PDE7B: variants seen among roughly 807,000 people sequenced by gnomAD.
PDE7B encodes 3',5'-cyclic-AMP phosphodiesterase 7B.
PDE7B carries 29 observed loss-of-function variants against 56.2 expected under a neutral mutation model. The ratio of observed to expected loss-of-function variants is 0.52; its 90% CI spans 0.38 to 0.70. The LOEUF is 0.70. Among genes scored for constraint, PDE7B ranks in the 30% least tolerant of loss-of-function variants. The probability of loss-of-function intolerance (pLI) is 0.00; values close to 1 mark genes in which losing one functional copy is unlikely to be tolerated. For synonymous variants in PDE7B, 197 were observed against 196.9 expected, an observed-to-expected ratio of 1.00 and a Z score of 0.00; for missense variants, 490 against 565.0, an observed-to-expected ratio of 0.87 and a Z score of 1.35.
At chr6:135,945,629 T>C (rs1206598166) in intron 1 of PDE7B, among the ~76,000 whole-genome samples, 2 of 152,174 alleles carry the variant, frequency 1.3e-5, no homozygotes, top group African/African-American at 2.4e-5. Context: ...CCAGGAATTT[T>C]TTCCCCTTAA....
At chr6:136,163,240 C>G (rs1031135573) in intron 8 of PDE7B, among the ~76,000 whole-genome samples, 8 of 152,254 alleles carry the variant, frequency 5.3e-5, no homozygotes, top group Non-Finnish European at 5.9e-5. Context: ...CCTTTGAAAT[C>G]TAGGTGGAGG....
intron 1 of PDE7B, among the ~76,000 whole-genome samples, chr6:135,933,827 C>G (rs1774340141): frequency 6.6e-6 from 1 of 152,068 alleles, no homozygotes; most frequent in Non-Finnish European, 1.5e-5. Context: ...TCTAAGACTC[C>G]ATTCTTATTT....
chr6:136,099,021 C>T (rs1777517901), intron 2 of PDE7B, among the ~76,000 whole-genome samples: 1 of 147,576 alleles, frequency 6.8e-6, no homozygotes, highest in South Asian at 2.2e-4. Context: ...TGAGAACATG[C>T]AGTGTATGGT....
chr6:135,905,845 C>T lies in PDE7B; in HGVS notation c.22-41619C>T, dbSNP rs546267448. On this transcript the variant is annotated intron_variant, in intron 1 of 12. Transcript: ENST00000308191. ...GATTGTGTGGCGAGCAGCTGGAATG[C>T]GTGCCAGTCACTTTTGGAGTGGTGG... Among the ~76,000 whole-genome samples the T allele has an allele frequency of 7.2e-5, 11 of 152,234 alleles. No individual in the cohort carries two copies. The South Asian group carries it at 2.3e-3, about 32-fold the overall frequency.
At chr6:136,120,661 A>G (rs185962830) in intron 3 of PDE7B, among the ~76,000 whole-genome samples, 97 of 152,298 alleles carry the variant, frequency 6.4e-4, no homozygotes, top group Admixed American at 8.5e-4. Context: ...CAAGCCAGGT[A>G]GAGAACAGTA....
intron 2 of PDE7B, among the ~76,000 whole-genome samples, chr6:135,997,413 C>CAAAA (rs59388049): frequency 1.9e-4 from 2 of 10,714 alleles, no homozygotes; most frequent in Non-Finnish European, 4.6e-4. Flanking sequence ...GACCCTGTCT[C>CAAAA]AAAAAAAAAA....
intron 2 of PDE7B, chr6:136,098,134 G>T (rs928171051): frequency 4.1e-5 from 1 of 24,302 alleles, no homozygotes; most frequent in Non-Finnish European, 9.2e-5. Flanking sequence ...TTTAGTTCCT[G>T]GGGGGGGGGG....
chr6:135,853,924 T>C (rs1021263458), intron 1 of PDE7B, among the ~76,000 whole-genome samples: 4 of 152,194 alleles, frequency 2.6e-5, no homozygotes, highest in African/African-American at 9.7e-5. Context: ...ACCTTTCATA[T>C]ATTGTAAATT....
intron 1 of PDE7B, among the ~76,000 whole-genome samples, chr6:135,934,431 T>G (rs546843586): frequency 6.6e-6 from 1 of 151,870 alleles, no homozygotes; most frequent in Non-Finnish European, 1.5e-5. Flanking sequence ...CTGTTTAAAA[T>G]ATATATATAT....
At position 136,173,867 on chromosome 6, in the gene PDE7B, C is replaced by CG; in HGVS notation, c.782_783insG (p.His262SerfsTer11). 1 of 1,611,584 alleles carries CG rather than the reference C, an allele frequency of 6.2e-7. No homozygotes were observed. Among genetic ancestry groups the CG allele is most frequent in the Non-Finnish European group, 8.5e-7 (1 of 1,177,850 alleles). The stretch of plus-strand genomic sequence containing the variant: ...ATGCTTCGAGAATCAAGGCTTCTTG[C>CG]TCATTTGCCAAAGGAAATGACGTAA... On this transcript the variant is annotated frameshift_variant, in exon 9 of 13. Coordinates refer to ENST00000308191, the MANE Select transcript of PDE7B (RefSeq NM_018945.4). LOFTEE classifies it high-confidence loss of function.
chr6:135,981,631 T>C (rs1775298598), intron 2 of PDE7B, among the ~76,000 whole-genome samples: 1 of 150,806 alleles, frequency 6.6e-6, no homozygotes, highest in African/African-American at 2.4e-5. Flanking sequence ...TATCACTGTC[T>C]TCCACCTCCA....
chr6:135,894,168 A>C (rs1385105671), intron 1 of PDE7B, among the ~76,000 whole-genome samples: 1 of 152,170 alleles, frequency 6.6e-6, no homozygotes, highest in Non-Finnish European at 1.5e-5. Flanking sequence ...CCACATCTAT[A>C]TGCTTTATTT....
chr6:135,970,930 C>T (rs1775084117), intron 2 of PDE7B, among the ~76,000 whole-genome samples: 1 of 152,010 alleles, frequency 6.6e-6, no homozygotes, highest in African/African-American at 2.4e-5. Flanking sequence ...TTGGCTTAAG[C>T]AACTGAATAA....
At chr6:136,157,121 A>G (rs1778621733) in intron 8 of PDE7B, among the ~76,000 whole-genome samples, 1 of 152,204 alleles carries the variant, frequency 6.6e-6, no homozygotes, top group Non-Finnish European at 1.5e-5. Context: ...TAAACAGATA[A>G]TTAATAGAAC....
intron 2 of PDE7B, among the ~76,000 whole-genome samples, chr6:136,066,279 C>G (rs1583861411): frequency 1.3e-5 from 2 of 152,224 alleles, no homozygotes; most frequent in East Asian, 1.9e-4. Context: ...CAGATGTGCA[C>G]CTTGGATTCC....
chr6:136,084,502 C>T (rs1777256400), intron 2 of PDE7B, among the ~76,000 whole-genome samples: 1 of 152,128 alleles, frequency 6.6e-6, no homozygotes, highest in African/African-American at 2.4e-5. Flanking sequence ...AAAAATAGAT[C>T]AACACTATTA....
intron 3 of PDE7B, among the ~76,000 whole-genome samples, chr6:136,120,100 G>A (rs983527584): frequency 6.6e-6 from 1 of 152,138 alleles, no homozygotes; most frequent in Non-Finnish European, 1.5e-5. Context: ...TGTAATACCT[G>A]CCATGGTATC....
chr6:136,086,585 A>T (rs1473094466), intron 2 of PDE7B, among the ~76,000 whole-genome samples: 1 of 152,124 alleles, frequency 6.6e-6, no homozygotes, highest in Non-Finnish European at 1.5e-5. Context: ...CAAACATCCC[A>T]ATAGTGGTAT....
intron 2 of PDE7B, among the ~76,000 whole-genome samples, chr6:135,961,978 T>G (rs1774911173): frequency 6.6e-6 from 1 of 152,130 alleles, no homozygotes; most frequent in African/African-American, 2.4e-5. Context: ...AACTGTGATG[T>G]AAACTGTGGA....
Sources: allele counts gnomAD v4.1 joint callset (sites outside exome capture counted in the v4.1 genomes callset), GRCh38; gene constraint gnomAD v4.1.1; transcripts MANE v1.5; gene names NCBI Gene and HGNC (gene_info 2026-07-23, HGNC 2026-07-21).